USP15: variants seen among roughly 807,000 people sequenced by gnomAD.
USP15 encodes the protein ubiquitin carboxyl-terminal hydrolase 15.
USP15 carries 18 observed loss-of-function variants against 127.1 expected under a neutral mutation model. The ratio of observed to expected loss-of-function variants is 0.14; its 90% CI spans 0.10 to 0.21. USP15 has a LOEUF of 0.21. USP15 is among the 10% of genes least tolerant of loss of function. The probability of loss-of-function intolerance (pLI) is 1.00; values close to 1 mark genes in which losing one functional copy is unlikely to be tolerated. For synonymous variants in USP15, 364 were observed against 393.7 expected (o/e 0.92, Z 0.89); for missense variants, 805 against 1,159.9 (o/e 0.69, Z 4.44).
Position 62,367,984 on chromosome 12 carries a change from G to GTA in USP15, c.915+12510_915+12511insAT, listed in dbSNP as rs1472226821. On this transcript the variant is annotated intron_variant, in intron 8 of 21. Coordinates refer to ENST00000280377, the MANE Select transcript of USP15 (RefSeq NM_001252078.2). ...TTTCCCTCTACACTGCTTTGAATGT[G>GTA]TCCCAGAGATTCTGGTACGTTGTAT... Among the ~76,000 whole-genome samples the GTA allele has an allele frequency of 3.3e-5, 5 of 152,260 alleles. No individual in the cohort carries two copies. The South Asian group carries it at 1.0e-3, about 32-fold the overall frequency.
chr12:62,277,874 G>A (rs2063537771), intron 1 of USP15, among the ~76,000 whole-genome samples: 1 of 151,972 alleles, frequency 6.6e-6, no homozygotes, highest in Non-Finnish European at 1.5e-5. Context: ...ATACACTTAG[G>A]CTACACTAAG....
At chr12:62,288,408 C>T (rs548128678) in intron 1 of USP15, among the ~76,000 whole-genome samples, 2 of 139,520 alleles carry the variant, frequency 1.4e-5, no homozygotes, top group East Asian at 2.1e-4. Flanking sequence ...GTTCTCAGCT[C>T]GATTGTTACT....
Position 62,408,154 on chromosome 12 carries a change from A to G in USP15, c.*3779A>G, listed in dbSNP as rs1013360588. On this transcript the variant is annotated 3_prime_UTR_variant, in exon 22 of 22. Coordinates refer to ENST00000280377, the MANE Select transcript of USP15 (RefSeq NM_001252078.2). Reference sequence around the variant, plus strand: ...CTGAAATGGAGTCTCCTTCAGTGGTACACCAAAGGGAGTGTAGGGTGTAGT... The same window carrying G: ...CTGAAATGGAGTCTCCTTCAGTGGTGCACCAAAGGGAGTGTAGGGTGTAGT... 2.6e-5 allele frequency: 4 copies of G among 152,140 alleles called. No individual in the cohort carries two copies. Among genetic ancestry groups the G allele is most frequent in the Admixed American group, 2.0e-4 (3 of 15,258 alleles). 9.4% of individuals were successfully genotyped at this position (152,140 alleles called of 1,614,324 possible). A position where few individuals can be genotyped will look rare whatever the true frequency, so the allele number is the denominator to read the frequency against.
chr12:62,396,572 G>A (rs989219467), intron 20 of USP15, among the ~76,000 whole-genome samples, 174 bp downstream of exon 20: 13 of 151,362 alleles, frequency 8.6e-5, no homozygotes, highest in Admixed American at 7.2e-4. Context: ...TTTTCACATA[G>A]GGTATAGAGA....
rs753913214 is a variant in USP15 at position 62,390,871 on chromosome 12, G to A, written c.1852G>A (p.Val618Ile). ...TTTTTGATTTTACTTAAGCCGATAT[G>A]TCAAAATATCTACTGAAACTGAAGA... Reference protein sequence around the residue: ...NLLLLRMCRYVKISTETEETE... With the variant: ...NLLLLRMCRYIKISTETEETE... The change falls in exon 15 of 22, where the codon GTC becomes ATC. Residue 618 changes from valine to isoleucine, a missense_variant. Physicochemically the swap from Val to Ile is conservative, Grantham distance 29 (BLOSUM62 3). Around this residue, in one of 11 missense-constraint regions of USP15, gnomAD observed 225 missense variants for 239.5 expected, o/e 0.94. Coordinates refer to ENST00000280377, the MANE Select transcript of USP15 (RefSeq NM_001252078.2). 152 of 1,607,924 alleles carry A rather than the reference G, an allele frequency of 9.5e-5. No homozygotes were observed. Among genetic ancestry groups the A allele is most frequent in the Admixed American group, 1.9e-4 (11 of 59,430 alleles).
intron 3 of USP15, among the ~76,000 whole-genome samples, chr12:62,303,885 G>C (rs1214836908): frequency 6.6e-6 from 1 of 151,668 alleles, no homozygotes; most frequent in Non-Finnish European, 1.5e-5. Flanking sequence ...GAATTTCTCT[G>C]TTGTAGGAAT....
chr12:62,344,935 G>A (rs890988167), intron 6 of USP15, among the ~76,000 whole-genome samples: 1 of 152,192 alleles, frequency 6.6e-6, no homozygotes, highest in African/African-American at 2.4e-5. Flanking sequence ...GGTGGTCCTG[G>A]GCCCAGCCCA....
chr12:62,362,306 T>C (rs1008744919), intron 8 of USP15, among the ~76,000 whole-genome samples: 2 of 152,158 alleles, frequency 1.3e-5, no homozygotes, highest in African/African-American at 4.8e-5. Context: ...TATATTCACA[T>C]GTTGTACAAT....
chr12:62,326,547 A>T (rs2065132275), intron 6 of USP15, among the ~76,000 whole-genome samples: 1 of 37,698 alleles, frequency 2.7e-5, no homozygotes, highest in Non-Finnish European at 5.1e-5. Context: ...TTTCTGCAAA[A>T]GGACACTTCT....
chr12:62,308,990 T>G (rs1353072431), intron 3 of USP15, among the ~76,000 whole-genome samples: 6 of 152,302 alleles, frequency 3.9e-5, no homozygotes, highest in African/African-American at 1.4e-4. Context: ...GAAGGAATTT[T>G]ATAGCTTCAG....
chr12:62,303,785 G>T (rs753041383), intron 3 of USP15, among the ~76,000 whole-genome samples: 1 of 152,020 alleles, frequency 6.6e-6, no homozygotes, highest in Admixed American at 6.6e-5. Context: ...GCTAACCTTG[G>T]ATCTTATTTT....
intron 2 of USP15, among the ~76,000 whole-genome samples, chr12:62,298,409 GTAA>G (rs1479621890): frequency 6.6e-6 from 1 of 152,084 alleles, no homozygotes; most frequent in Non-Finnish European, 1.5e-5. Context: ...GCTCACACCT[GTAA>G]TCCCAGCACT....
chr12:62,334,775 C>A (rs1409738881), intron 6 of USP15, among the ~76,000 whole-genome samples: 2 of 152,132 alleles, frequency 1.3e-5, no homozygotes, highest in African/African-American at 4.8e-5. Context: ...GCTGTCTCAA[C>A]GTTCAGACTT....
intron 19 of USP15, chr12:62,393,654 A>G (rs1296938407): frequency 6.6e-6 from 1 of 152,632 alleles, no homozygotes; most frequent in Non-Finnish European, 1.5e-5. Flanking sequence ...CAATGGTGCA[A>G]TCTCGGCTCA....
In USP15 at chr12:62,326,116, A is replaced by G. The variant is rs145979101; in HGVS notation, c.683+183A>G. 2.2e-3 allele frequency among the ~76,000 whole-genome samples: 339 copies of G among 152,314 alleles called. 2 individuals carry two copies. Among genetic ancestry groups the G allele is most frequent in the African/African-American group, 8.0e-3 (334 of 41,586 alleles). Reference sequence around the variant, plus strand: ...ATTTGCTCTTAATTAATATGTTACTATTTTAAAAGCCTCCAATTCAAATAT... The same window carrying G: ...ATTTGCTCTTAATTAATATGTTACTGTTTTAAAAGCCTCCAATTCAAATAT... On this transcript the variant is annotated intron_variant, in intron 6 of 21. Transcript: ENST00000280377.
chr12:62,321,839 CAG>C (rs1338786525), intron 5 of USP15, among the ~76,000 whole-genome samples: 1 of 152,042 alleles, frequency 6.6e-6, no homozygotes, highest in African/African-American at 2.4e-5. Context: ...AAAAAAATCC[CAG>C]CTAATATTAT....
chr12:62,357,634 G>A (rs2066173820), intron 8 of USP15, among the ~76,000 whole-genome samples: 1 of 152,010 alleles, frequency 6.6e-6, no homozygotes, highest in African/African-American at 2.4e-5. Flanking sequence ...GCTTTATTTA[G>A]TTGGAAACTA....
chr12:62,330,807 T>G (rs1332457894), intron 6 of USP15, among the ~76,000 whole-genome samples: 1 of 150,288 alleles, frequency 6.7e-6, no homozygotes, highest in Non-Finnish European at 1.5e-5. Flanking sequence ...GCACCTGTAG[T>G]CTCAGCTACT....
intron 7 of USP15, 82 bp downstream of exon 7, chr12:62,349,389 G>T: frequency 1.1e-6 from 1 of 914,962 alleles, no homozygotes; most frequent in Non-Finnish European, 1.5e-6. Flanking sequence ...CTAAAATTTA[G>T]GATAAAAGTC....
Sources: gnomAD v4.1 joint callset for allele counts (sites outside exome capture counted in the v4.1 genomes callset) on GRCh38, gnomAD v4.1.1 for gene constraint, gnomAD v4.1.1 regional missense constraint, MANE v1.5 for transcripts, NCBI Gene and HGNC (gene_info 2026-07-23, HGNC 2026-07-21) for gene names.